Variants in OPCML observed in about 807,000 individuals in gnomAD.
The protein encoded by OPCML is opioid-binding protein/cell adhesion molecule.
Under a neutral mutation model 37.8 loss-of-function variants are expected in OPCML, and 13 were observed. The ratio of observed to expected loss-of-function variants is 0.34; its 90% confidence interval spans 0.22 to 0.55. OPCML has a LOEUF of 0.55. OPCML is among the 20% of genes least tolerant of loss of function. The probability of loss-of-function intolerance (pLI) is 0.91; values close to 1 mark genes in which losing one functional copy is unlikely to be tolerated. For missense variants in OPCML, 341 were observed against 435.6 expected, an observed-to-expected ratio of 0.78 and a Z score of 1.93; for synonymous variants, 176 against 168.8, an observed-to-expected ratio of 1.04 and a Z score of -0.33.
At chr11:132,602,472 T>C (rs1333689043) in intron 3 of OPCML, among the ~76,000 whole-genome samples, 3 of 152,184 alleles carry the variant, frequency 2.0e-5, no homozygotes, top group Non-Finnish European at 4.4e-5. Flanking sequence ...GCCTAGATTT[T>C]ACAGTTACAA....
intron 2 of OPCML, among the ~76,000 whole-genome samples, chr11:132,693,022 A>G (rs1943464764): frequency 6.6e-6 from 1 of 152,214 alleles, no homozygotes; most frequent in East Asian, 1.9e-4. Flanking sequence ...TGTGTGACTT[A>G]CAAGTAAAGG....
Position 133,351,053 on chromosome 11 carries a change from A to G in OPCML, c.61+181211T>C, listed in dbSNP as rs116074336. ...GGAGTATACCTCTCAGGTCAATAGA[A>G]GGAATAACTTCTTGATAATGAAAGC... On this transcript the variant is annotated intron_variant, in intron 1 of 7. Transcript: ENST00000524381. Among the ~76,000 whole-genome samples the G allele has an allele frequency of 3.9e-3, 588 of 152,296 alleles. 5 individuals are homozygous for G. The highest frequency in any genetic ancestry group is 0.013 in the African/African-American group (544 of 41,550).
At position 132,709,070 on chromosome 11, in the gene OPCML, C is replaced by T. The variant is rs558606538; in HGVS notation, c.147-51751G>A. ...TTTCACCAGTTGTCATTTCTCTTCT[C>T]TGGAATTTTCTGACAAGCTGTGCTC... On this transcript the variant is annotated intron_variant, in intron 2 of 7. Transcript: ENST00000524381. 4.6e-5 allele frequency among the ~76,000 whole-genome samples: 7 copies of T among 152,278 alleles called. No individual in the cohort carries two copies. In the South Asian group the frequency reaches 1.5e-3, roughly 32 times the overall value.
chr11:132,481,619 T>C lies in OPCML; in HGVS notation c.506-44260A>G, dbSNP rs1171696069. On this transcript the variant is annotated intron_variant, in intron 4 of 7. Transcript: ENST00000524381. ...ACCCCAAATCAACAGAATATACATT[T>C]TTTTCAGCACCACACCACACCTATT... 7.6e-3 allele frequency among the ~76,000 whole-genome samples: 1,152 copies of C among 150,960 alleles called. 6 individuals carry two copies. Among genetic ancestry groups the C allele is most frequent in the African/African-American group, 0.026 (1,051 of 40,688 alleles).
rs1380622213 is a variant in OPCML, at chr11:132,774,385, G to A, written c.147-117066C>T. 5.3e-5 allele frequency among the ~76,000 whole-genome samples: 8 copies of A among 152,016 alleles called. No individual in the cohort carries two copies. The East Asian group carries it at 5.8e-4, about 11-fold the overall frequency. On this transcript the variant is annotated intron_variant, in intron 2 of 7. Coordinates refer to ENST00000524381, the MANE Select transcript of OPCML (RefSeq NM_001012393.5). Reference sequence around the variant, plus strand: ...ACTTCCCCAGATACCCTACATCAACGTACAAAGTGTTTTTTTTCATCGTAC... The same window carrying A: ...ACTTCCCCAGATACCCTACATCAACATACAAAGTGTTTTTTTTCATCGTAC...
chr11:132,941,055 AAC>A (rs1288219514), intron 2 of OPCML, among the ~76,000 whole-genome samples: 2 of 152,166 alleles, frequency 1.3e-5, no homozygotes, highest in Non-Finnish European at 2.9e-5. Context: ...GATAACAGAT[AAC>A]AGTTATGCTA....
At chr11:132,635,209 C>T (rs2135705697) in intron 3 of OPCML, among the ~76,000 whole-genome samples, 1 of 152,172 alleles carries the variant, frequency 6.6e-6, no homozygotes, top group African/African-American at 2.4e-5. Flanking sequence ...ATCTAAATTT[C>T]CCTGTCTAAA....
intron 3 of OPCML, among the ~76,000 whole-genome samples, chr11:132,614,087 A>C (rs1938834459): frequency 6.6e-6 from 1 of 152,214 alleles, no homozygotes; most frequent in South Asian, 2.1e-4. Flanking sequence ...AAGGCATTCA[A>C]GCTGTCCAGA....
chr11:133,135,811 C>T (rs373129959), intron 1 of OPCML, among the ~76,000 whole-genome samples: 16 of 152,234 alleles, frequency 1.1e-4, no homozygotes, highest in South Asian at 2.1e-4. Flanking sequence ...CCGCAAATAG[C>T]GGAACCAAAA....
chr11:132,470,062 C>T (rs1247952673), intron 4 of OPCML, among the ~76,000 whole-genome samples: 1 of 152,044 alleles, frequency 6.6e-6, no homozygotes, highest in Admixed American at 6.6e-5. Context: ...GCAAAGTGCT[C>T]TCAGACAACA....
intron 7 of OPCML, among the ~76,000 whole-genome samples, chr11:132,421,567 T>C (rs932498353): frequency 3.9e-5 from 6 of 152,238 alleles, no homozygotes; most frequent in Admixed American, 2.6e-4. Flanking sequence ...GCAATGAGTA[T>C]ACAACTGTTC....
chr11:132,993,607 A>G (rs1439931037), intron 1 of OPCML, among the ~76,000 whole-genome samples: 1 of 152,146 alleles, frequency 6.6e-6, no homozygotes, highest in Non-Finnish European at 1.5e-5. Flanking sequence ...CTACTTACAA[A>G]GGGCAGAACA....
In OPCML at chr11:132,740,073, A is replaced by G. The variant is rs147358149; in HGVS notation, c.147-82754T>C. On this transcript the variant is annotated intron_variant, in intron 2 of 7. Coordinates refer to ENST00000524381, the MANE Select transcript of OPCML (RefSeq NM_001012393.5). ...TCTAACCTGTCACTTCTAAATGTGC[A>G]TATTGCTTAGAAGAGTCAGAGGGTA... Among the ~76,000 whole-genome samples the G allele has an allele frequency of 2.3e-3, 350 of 152,332 alleles. 4 individuals are homozygous for G. The highest frequency in any genetic ancestry group is 0.02 in the Admixed American group (302 of 15,294).
intron 3 of OPCML, among the ~76,000 whole-genome samples, chr11:132,571,044 C>T (rs1242409752): frequency 2.6e-5 from 4 of 151,728 alleles, no homozygotes; most frequent in Non-Finnish European, 2.9e-5. Flanking sequence ...ACCATCCATT[C>T]GGCTGCCAGC....
chr11:133,133,546 G>T (rs747943102), intron 1 of OPCML, among the ~76,000 whole-genome samples: 1 of 152,000 alleles, frequency 6.6e-6, no homozygotes, highest in Admixed American at 6.6e-5. Flanking sequence ...CCCCTTTCCA[G>T]AAGAACCCCT....
At chr11:133,214,701 C>G (rs75896979) in intron 1 of OPCML, among the ~76,000 whole-genome samples, 2 of 152,170 alleles carry the variant, frequency 1.3e-5, no homozygotes, top group African/African-American at 2.4e-5. Context: ...TCATCCTCCT[C>G]TCATCATCAG....
At chr11:132,683,451 G>C (rs1943037811) in intron 2 of OPCML, among the ~76,000 whole-genome samples, 1 of 152,148 alleles carries the variant, frequency 6.6e-6, no homozygotes, top group South Asian at 2.1e-4. Flanking sequence ...GCTCAGACTG[G>C]AAAAAGTAGA....
chr11:132,705,196 A>G (rs1943983372), intron 2 of OPCML, among the ~76,000 whole-genome samples: 1 of 152,084 alleles, frequency 6.6e-6, no homozygotes, highest in African/African-American at 2.4e-5. Context: ...CTGGCAGCTG[A>G]TTGGATCATG....
At chr11:132,548,181 A>C (rs533893972) in intron 3 of OPCML, among the ~76,000 whole-genome samples, 2 of 152,312 alleles carry the variant, frequency 1.3e-5, no homozygotes, top group South Asian at 4.2e-4. Flanking sequence ...AGCCAAGCTT[A>C]CCTGGGGAAG....
Sources: gnomAD v4.1 joint callset for allele counts (sites outside exome capture counted in the v4.1 genomes callset) on GRCh38, gnomAD v4.1.1 for gene constraint, MANE v1.5 for transcripts, NCBI Gene and HGNC (gene_info 2026-07-23, HGNC 2026-07-21) for gene names.